The following NUTF2 variants were observed in gnomAD, a reference collection of about 807,000 sequenced individuals.
NUTF2 encodes placental protein 15.
Under a neutral mutation model 18.5 loss-of-function variants are expected in NUTF2, and 3 were observed. The ratio of observed to expected loss-of-function variants is 0.16; its 90% CI spans 0.07 to 0.42. The LOEUF is 0.42. NUTF2 is among the 10% of genes least tolerant of loss of function. The pLI is 0.99. For missense variants in NUTF2, 44 were observed against 160.7 expected (o/e 0.27, Z 3.93); for synonymous variants, 51 against 57.9 (o/e 0.88, Z 0.54).
At chr16:67,864,864 ATG>A (rs989873852) in intron 1 of NUTF2, among the ~76,000 whole-genome samples, 19 of 152,044 alleles carry the variant, frequency 1.2e-4, no homozygotes, top group African/African-American at 4.3e-4. Flanking sequence ...CCTATCATCT[ATG>A]TGTCTCATCA....
intron 1 of NUTF2, among the ~76,000 whole-genome samples, chr16:67,849,721 C>T (rs533156028): frequency 2.0e-5 from 3 of 151,816 alleles, no homozygotes; most frequent in East Asian, 3.9e-4. Context: ...TGCAGTGGTG[C>T]GATCTCTGCT....
intron 1 of NUTF2, among the ~76,000 whole-genome samples, chr16:67,854,243 G>T (rs1411913141): frequency 2.0e-5 from 3 of 152,242 alleles, no homozygotes; most frequent in Non-Finnish European, 4.4e-5. Flanking sequence ...GCCACTGCTT[G>T]CCTGGCCTGT....
At chr16:67,850,808 T>A (rs1308230909) in intron 1 of NUTF2, among the ~76,000 whole-genome samples, 2 of 151,966 alleles carry the variant, frequency 1.3e-5, no homozygotes, top group African/African-American at 4.8e-5. Flanking sequence ...TGCCTATCAC[T>A]ATTTTTTTTT....
At chr16:67,852,914 C>T (rs2057870586) in intron 1 of NUTF2, among the ~76,000 whole-genome samples, 2 of 152,006 alleles carry the variant, frequency 1.3e-5, no homozygotes, top group East Asian at 1.9e-4. Context: ...CCCGACCTCA[C>T]TCAGGTGATC....
At chr16:67,858,679 C>T (rs1439743796) in intron 1 of NUTF2, among the ~76,000 whole-genome samples, 2 of 152,082 alleles carry the variant, frequency 1.3e-5, no homozygotes, top group East Asian at 1.9e-4. Flanking sequence ...GAGGGAGTGG[C>T]AAGAGATGAG....
At chr16:67,855,980 G>A (rs1555495588) in intron 1 of NUTF2, 4 of 1,225,506 alleles carry the variant, frequency 3.3e-6, no homozygotes, top group Non-Finnish European at 4.7e-6. Flanking sequence ...CTGCTTCTTG[G>A]TGCCAGCGGC....
chr16:67,871,004 C>T lies in NUTF2; in HGVS notation c.*91C>T. The T allele has an allele frequency of 9.9e-7, 1 of 1,010,390 alleles. No homozygotes were observed. The highest frequency in any genetic ancestry group is 1.5e-6 in the Non-Finnish European group (1 of 647,624). 62.6% of individuals were successfully genotyped at this position (1,010,390 alleles called of 1,614,324 possible). A position where few individuals can be genotyped will look rare whatever the true frequency, so the allele number is the denominator to read the frequency against. On this transcript the variant is annotated 3_prime_UTR_variant, in exon 5 of 5. Coordinates refer to ENST00000219169, the MANE Select transcript of NUTF2 (RefSeq NM_005796.3). ...CTCCAGATGCTCCAAATATCATGCA[C>T]AAATGAGCAGGGCCGCGGTGGGAGT...
rs773896940 is a variant in NUTF2 at position 67,868,612 on chromosome 16, C to T, written c.270+13C>T. ...GGGCCAGCTTAAGGTAATGGTACTG[C>T]CACAGTGGTAGGGAGGGGTGGGCAG... is the stretch of plus-strand genomic sequence containing the variant. On this transcript the variant is annotated intron_variant, in intron 4 of 4. Transcript: ENST00000219169. 1.2e-6 allele frequency: 2 copies of T among 1,610,564 alleles called. No homozygotes were observed. Among genetic ancestry groups the T allele is most frequent in the Non-Finnish European group, 1.7e-6 (2 of 1,177,476 alleles).
intron 1 of NUTF2, among the ~76,000 whole-genome samples, chr16:67,855,640 TCC>T (rs2057890300): frequency 6.6e-6 from 1 of 152,150 alleles, no homozygotes; most frequent in Non-Finnish European, 1.5e-5. Flanking sequence ...CCAGTGGGTC[TCC>T]CGAGGGCAGA....
intron 1 of NUTF2, among the ~76,000 whole-genome samples, chr16:67,848,385 C>G (rs1283566243): frequency 2.6e-5 from 4 of 152,222 alleles, no homozygotes; most frequent in African/African-American, 9.6e-5. Flanking sequence ...GGGTTCCAGA[C>G]TAGCATGGCC....
chr16:67,848,758 A>T (rs2057828680), intron 1 of NUTF2, among the ~76,000 whole-genome samples: 1 of 134,526 alleles, frequency 7.4e-6, no homozygotes, highest in South Asian at 2.2e-4. Context: ...AAAGAAAAAG[A>T]AAAAAAAAAA....
rs190221237 is a variant in NUTF2 at position 67,868,725 on chromosome 16, C to T, written c.270+126C>T. 7.7e-5 allele frequency: 65 copies of T among 841,622 alleles called. No homozygotes were observed. The Admixed American group carries it at 8.6e-4, about 11-fold the overall frequency. The allele number at this position is 841,622 out of a possible 1,614,324, so 52.1% of individuals were successfully genotyped here. A position where few individuals can be genotyped will look rare whatever the true frequency, so the allele number is the denominator to read the frequency against. On this transcript the variant is annotated intron_variant, in intron 4 of 4. Coordinates refer to ENST00000219169, the MANE Select transcript of NUTF2 (RefSeq NM_005796.3). ...CAGACAAAGTGACTGTCTAGAGCTG[C>T]GTAGTTCAGTATGCTAGCCATTAGC...
At chr16:67,865,980 C>T (rs1038668373) in intron 2 of NUTF2, among the ~76,000 whole-genome samples, 5 of 152,092 alleles carry the variant, frequency 3.3e-5, no homozygotes, top group African/African-American at 4.8e-5. Context: ...GGCCTTCCAA[C>T]GTGCTGGGAT....
At chr16:67,867,160 C>A (rs1049377784) in intron 2 of NUTF2, among the ~76,000 whole-genome samples, 1 of 149,710 alleles carries the variant, frequency 6.7e-6, no homozygotes, top group Non-Finnish European at 1.5e-5. Flanking sequence ...TTAGGAGAGA[C>A]GGGGTTTCAC....
intron 4 of NUTF2, chr16:67,870,588 G>A (rs141698784): frequency 3.5e-5 from 20 of 574,046 alleles, no homozygotes; most frequent in Middle Eastern, 4.6e-4. Context: ...ACACATAGGC[G>A]TGGCTGATTG....
rs8057986 is a variant in NUTF2, at chr16:67,859,976, A to T, written c.-29-5126A>T. ...CACCACCATGGCCAGATATTTTATT[A>T]TTTTTTTTTTTCTTTTTTTTTGAGA... On this transcript the variant is annotated intron_variant, in intron 1 of 4. Transcript: ENST00000219169. Among the ~76,000 whole-genome samples the T allele has an allele frequency of 6.8e-3, 951 of 140,700 alleles. 13 individuals carry two copies. Among genetic ancestry groups the T allele is most frequent in the African/African-American group, 0.022 (870 of 39,862 alleles). 92.3% of individuals were successfully genotyped at this position (140,700 alleles called of 152,430 possible).
At chr16:67,864,454 A>C (rs1339469353) in intron 1 of NUTF2, among the ~76,000 whole-genome samples, 1 of 149,370 alleles carries the variant, frequency 6.7e-6, no homozygotes, top group African/African-American at 2.5e-5. Flanking sequence ...GGTTGCAGTG[A>C]GCCAAGATCA....
intron 1 of NUTF2, among the ~76,000 whole-genome samples, chr16:67,849,496 C>T (rs1748246454): frequency 6.6e-6 from 1 of 151,598 alleles, no homozygotes; most frequent in African/African-American, 2.4e-5. Flanking sequence ...CGCACGCCAC[C>T]ATGCCTGGCT....
intron 1 of NUTF2, among the ~76,000 whole-genome samples, chr16:67,849,807 C>T (rs922731010): frequency 1.3e-5 from 2 of 152,006 alleles, no homozygotes; most frequent in Admixed American, 6.6e-5. Flanking sequence ...TACAGGCGCC[C>T]ACCACCACGC....
Sources: gnomAD v4.1 joint callset for allele counts (sites outside exome capture counted in the v4.1 genomes callset) on GRCh38, gnomAD v4.1.1 for gene constraint, MANE v1.5 for transcripts, NCBI Gene and HGNC (gene_info 2026-07-23, HGNC 2026-07-21) for gene names.